The following HDAC9 variants were observed in gnomAD, a reference collection of about 807,000 sequenced individuals.
HDAC9 encodes MEF-2 interacting transcription repressor (MITR) protein.
HDAC9 carries 41 observed loss-of-function variants against 139.4 expected under a neutral mutation model. The observed-to-expected ratio is 0.29, with a 90% CI of 0.23 to 0.38. The LOEUF (loss-of-function observed/expected upper bound fraction) is 0.38, where lower values mean the gene tolerates loss of function less well. Among genes scored for constraint, HDAC9 ranks in the 10% least tolerant of loss-of-function variants. The probability of loss-of-function intolerance (pLI) is 1.00; values close to 1 mark genes in which losing one functional copy is unlikely to be tolerated. For missense variants in HDAC9, 1,147 were observed against 1,297.0 expected (o/e 0.88, Z 1.78); for synonymous variants, 517 against 476.2 (o/e 1.09, Z -1.12).
At chr7:18,864,270 G>A (rs1798325055) in intron 21 of HDAC9, among the ~76,000 whole-genome samples, 1 of 152,114 alleles carries the variant, frequency 6.6e-6, no homozygotes, top group African/African-American at 2.4e-5. Context: ...AGTGAAATAA[G>A]GCAGAATCAG....
At chr7:18,961,501 C>T (rs1306366360) in intron 24 of HDAC9, among the ~76,000 whole-genome samples, 1 of 152,112 alleles carries the variant, frequency 6.6e-6, no homozygotes, top group Admixed American at 6.6e-5. Context: ...AAGAAAAAGA[C>T]ACTTTGCTGA....
intron 12 of HDAC9, among the ~76,000 whole-genome samples, chr7:18,719,900 A>T (rs575921585): frequency 6.6e-6 from 1 of 152,110 alleles, no homozygotes; most frequent in Admixed American, 6.5e-5. Context: ...TTTTTAAAAT[A>T]TTTTGCCCTG....
At chr7:18,733,824 A>G (rs1245884708) in intron 13 of HDAC9, among the ~76,000 whole-genome samples, 1 of 152,154 alleles carries the variant, frequency 6.6e-6, no homozygotes, top group African/African-American at 2.4e-5. Context: ...AAATGTGATC[A>G]AATGTTCAAG....
intron 23 of HDAC9, among the ~76,000 whole-genome samples, chr7:18,939,918 T>C (rs746572075): frequency 6.6e-6 from 1 of 152,192 alleles, no homozygotes; most frequent in African/African-American, 2.4e-5. Context: ...GAACTCCCAT[T>C]AGAAAGGTCA....
intron 17 of HDAC9, among the ~76,000 whole-genome samples, chr7:18,820,952 A>G (rs1385917175): frequency 6.6e-6 from 1 of 152,166 alleles, no homozygotes; most frequent in Non-Finnish European, 1.5e-5. Context: ...GCAGTAATGT[A>G]TGATAAGCAG....
intron 2 of HDAC9, among the ~76,000 whole-genome samples, chr7:18,535,118 C>A (rs529436276): frequency 1.3e-5 from 2 of 152,298 alleles, no homozygotes; most frequent in South Asian, 4.1e-4. Flanking sequence ...ATCCAACTCA[C>A]TTTCCATCTT....
At chr7:18,323,864 G>A (rs1439008681) in intron 1 of HDAC9, among the ~76,000 whole-genome samples, 11 of 151,450 alleles carry the variant, frequency 7.3e-5, no homozygotes, top group Admixed American at 7.2e-4. Flanking sequence ...TGGAGCTTGG[G>A]AAGTCAAAGA....
At chr7:18,726,664 G>GTATATA (rs1194349478) in intron 12 of HDAC9, among the ~76,000 whole-genome samples, 2 of 150,964 alleles carry the variant, frequency 1.3e-5, no homozygotes, top group East Asian at 3.9e-4. Flanking sequence ...ATTCAGTGTA[G>GTATATA]TATATATATT....
At position 18,702,350 on chromosome 7, in the gene HDAC9, A is replaced by G. The variant is rs1783560593; in HGVS notation, c.1732-25230A>G. On this transcript the variant is annotated intron_variant, in intron 12 of 25. Transcript: ENST00000686413. ...GGAGAACTTAAGGCACAAAAGCCAA[A>G]ACCTTGAGTGGATTTATGGACGCAC... Among the ~76,000 whole-genome samples the G allele has an allele frequency of 1.3e-5, 2 of 152,200 alleles. 1 individual carries two copies. The highest frequency in any genetic ancestry group is 4.1e-4 in the South Asian group (2 of 4,830).
At chr7:18,400,362 A>C (rs967488568) in intron 1 of HDAC9, among the ~76,000 whole-genome samples, 1 of 152,156 alleles carries the variant, frequency 6.6e-6, no homozygotes, top group Non-Finnish European at 1.5e-5. Context: ...AATGATTTGG[A>C]GAGTGATTGA....
In HDAC9 at chr7:18,956,348, A is replaced by T. The variant is rs552119735; in HGVS notation, c.3022+2118A>T. On this transcript the variant is annotated intron_variant, in intron 24 of 25. Coordinates refer to ENST00000686413, the MANE Select transcript of HDAC9 (RefSeq NM_178425.4). ...TTTATTTTCGATGTTTCTCTTAAAA[A>T]TATCAAATATTTAAATGTCTGTTAG... Among the ~76,000 whole-genome samples, 275 of 152,280 alleles carry T rather than the reference A, an allele frequency of 1.8e-3. 3 individuals carry two copies. The highest frequency in any genetic ancestry group is 6.3e-3 in the African/African-American group (263 of 41,574).
At chr7:18,333,828 G>C (rs1003808896) in intron 1 of HDAC9, among the ~76,000 whole-genome samples, 3 of 151,318 alleles carry the variant, frequency 2.0e-5, no homozygotes, top group African/African-American at 7.3e-5. Flanking sequence ...ATATGCAAGA[G>C]CTGGTTCTTA....
chr7:18,898,909 T>G (rs1246903956), intron 22 of HDAC9, among the ~76,000 whole-genome samples: 2 of 152,048 alleles, frequency 1.3e-5, no homozygotes, highest in Admixed American at 1.3e-4. Flanking sequence ...GTATATCCTT[T>G]AAGAAATACT....
chr7:18,733,038 GA>G (rs1786470341), intron 13 of HDAC9, among the ~76,000 whole-genome samples: 2 of 142,202 alleles, frequency 1.4e-5, no homozygotes, highest in African/African-American at 5.2e-5. Flanking sequence ...TATATATACA[GA>G]TATACATATA....
chr7:18,274,241 A>G (rs913446922), intron 2 of HDAC9, among the ~76,000 whole-genome samples: 1 of 152,176 alleles, frequency 6.6e-6, no homozygotes, highest in Non-Finnish European at 1.5e-5. Context: ...ATTTATTTTT[A>G]AAAATAGTTT....
At chr7:18,437,938 T>C (rs1302212188) in intron 1 of HDAC9, among the ~76,000 whole-genome samples, 1 of 151,258 alleles carries the variant, frequency 6.6e-6, no homozygotes, top group Admixed American at 6.6e-5. Context: ...CCACATTATA[T>C]AACGTTACAC....
intron 14 of HDAC9, among the ~76,000 whole-genome samples, chr7:18,753,410 T>G (rs1788613766): frequency 6.6e-6 from 1 of 152,022 alleles, no homozygotes; most frequent in Non-Finnish European, 1.5e-5. Context: ...TCCTAGATCT[T>G]GTGATGAATA....
At chr7:18,185,960 T>C (rs1178947662) in intron 2 of HDAC9, among the ~76,000 whole-genome samples, 2 of 152,202 alleles carry the variant, frequency 1.3e-5, no homozygotes, top group South Asian at 2.1e-4. Flanking sequence ...TATTGCTGAA[T>C]TGCAGTGACC....
intron 21 of HDAC9, 40 bp from the exon 22 acceptor site, chr7:18,874,438 A>T: frequency 7.6e-7 from 1 of 1,312,360 alleles, no homozygotes; most frequent in Non-Finnish European, 1.1e-6. Context: ...AAAGGTATTC[A>T]CCAGTCCCAC....
Sources: gnomAD v4.1 joint callset for allele counts (sites outside exome capture counted in the v4.1 genomes callset) on GRCh38, gnomAD v4.1.1 for gene constraint, MANE v1.5 for transcripts, NCBI Gene and HGNC (gene_info 2026-07-23, HGNC 2026-07-21) for gene names.